TRIQK: variants seen among roughly 807,000 people sequenced by gnomAD.
TRIQK encodes triple QxxK/R motif containing.
A neutral mutation model predicts 10.8 loss-of-function variants in TRIQK; 10 were observed. That is an observed-to-expected ratio of 0.92 (90% CI 0.57 to 1.57). The LOEUF is 1.57. TRIQK is among the 40% of genes most tolerant of loss of function. TRIQK has a pLI of 0.00. For synonymous variants in TRIQK, 33 were observed against 33.7 expected, an observed-to-expected ratio of 0.98 and a Z score of 0.07; for missense variants, 107 against 97.7, an observed-to-expected ratio of 1.09 and a Z score of -0.40.
At chr8:92,940,344 A>T (rs1791442504) in intron 2 of TRIQK, among the ~76,000 whole-genome samples, 1 of 152,100 alleles carries the variant, frequency 6.6e-6, no homozygotes, top group Admixed American at 6.5e-5. Flanking sequence ...TAAAAAAAAA[A>T]AAAAAAAGAC....
At chr8:92,990,167 T>G (rs1813082417) in intron 1 of TRIQK, among the ~76,000 whole-genome samples, 1 of 152,236 alleles carries the variant, frequency 6.6e-6, no homozygotes, top group Non-Finnish European at 1.5e-5. Context: ...TATTATGCTC[T>G]TCACATTGGT....
intron 3 of TRIQK, among the ~76,000 whole-genome samples, chr8:92,898,833 G>GTGTGTATA (rs1256723943): frequency 2.7e-5 from 2 of 73,902 alleles, no homozygotes; most frequent in African/African-American, 5.7e-5. Flanking sequence ...GTGTGTGTGT[G>GTGTGTATA]TATATATATA....
chr8:93,016,778 C>T (rs926829557), intron 1 of TRIQK, among the ~76,000 whole-genome samples: 1 of 152,064 alleles, frequency 6.6e-6, no homozygotes, highest in African/African-American at 2.4e-5. Context: ...ACAGAGGCAG[C>T]AGCAGGTGCG....
intron 1 of TRIQK, among the ~76,000 whole-genome samples, chr8:92,982,268 A>C (rs80271889): frequency 6.6e-6 from 1 of 152,106 alleles, no homozygotes; most frequent in Non-Finnish European, 1.5e-5. Context: ...TGGAATATAT[A>C]GTTTGGAGAT....
chr8:92,905,574 G>A (rs1400964362), intron 3 of TRIQK, among the ~76,000 whole-genome samples: 6 of 152,100 alleles, frequency 3.9e-5, no homozygotes, highest in Non-Finnish European at 7.4e-5. Flanking sequence ...GGTTGTTCAT[G>A]TTCTTGTTTT....
At chr8:92,926,012 A>G (rs777023482) in intron 2 of TRIQK, among the ~76,000 whole-genome samples, 6 of 152,020 alleles carry the variant, frequency 3.9e-5, no homozygotes, top group Admixed American at 2.6e-4. Flanking sequence ...CCCGGGAGGC[A>G]GAGCTTGCAG....
At chr8:92,949,782 A>AAAAG (rs80051316) in intron 2 of TRIQK, among the ~76,000 whole-genome samples, 1,819 of 71,982 alleles carry the variant, frequency 0.025, 31 homozygotes, top group Admixed American at 0.032. Flanking sequence ...GAAAGAAAGA[A>AAAAG]AAAGAAAGAA....
At chr8:92,951,111 G>A (rs891089723) in intron 2 of TRIQK, among the ~76,000 whole-genome samples, 2 of 151,390 alleles carry the variant, frequency 1.3e-5, no homozygotes, top group Non-Finnish European at 2.9e-5. Flanking sequence ...TTTTTTTATT[G>A]TTGTATGGCT....
chr8:92,972,185 G>A (rs1052397906), intron 1 of TRIQK, among the ~76,000 whole-genome samples: 1 of 151,360 alleles, frequency 6.6e-6, no homozygotes, highest in East Asian at 1.9e-4. Flanking sequence ...ACAATATATT[G>A]TTGAATTTGC....
intron 1 of TRIQK, among the ~76,000 whole-genome samples, chr8:92,959,087 T>C (rs1457667204): frequency 1.3e-5 from 2 of 152,098 alleles, no homozygotes; most frequent in Non-Finnish European, 2.9e-5. Flanking sequence ...ACTTTATTTA[T>C]AAACAATTAA....
At chr8:92,938,172 A>G (rs2130591830) in intron 2 of TRIQK, among the ~76,000 whole-genome samples, 1 of 152,160 alleles carries the variant, frequency 6.6e-6, no homozygotes, top group East Asian at 1.9e-4. Context: ...AGTACTTGAA[A>G]GCTAACACTC....
At chr8:92,935,051 G>A (rs533858251) in intron 2 of TRIQK, among the ~76,000 whole-genome samples, 27 of 151,770 alleles carry the variant, frequency 1.8e-4, no homozygotes, top group African/African-American at 6.5e-4. Flanking sequence ...GTTCTACTTT[G>A]TGCCAGCTTT....
chr8:92,944,472 C>T (rs376018259), intron 2 of TRIQK, among the ~76,000 whole-genome samples: 11 of 151,902 alleles, frequency 7.2e-5, no homozygotes, highest in South Asian at 2.1e-4. Context: ...TCTGTATAAA[C>T]GAATAAGTGG....
At chr8:92,915,813 T>C (rs1467905239) in intron 3 of TRIQK, among the ~76,000 whole-genome samples, 1 of 152,136 alleles carries the variant, frequency 6.6e-6, no homozygotes, top group African/African-American at 2.4e-5. Flanking sequence ...ACTATACAAA[T>C]TCTTAATTGG....
At chr8:92,991,433 C>G (rs1326587249) in intron 1 of TRIQK, among the ~76,000 whole-genome samples, 1 of 152,182 alleles carries the variant, frequency 6.6e-6, no homozygotes, top group East Asian at 1.9e-4. Context: ...TCAAGTGGGT[C>G]CCTGACCCCC....
intron 2 of TRIQK, among the ~76,000 whole-genome samples, chr8:92,944,149 C>T (rs1811403127): frequency 6.6e-6 from 1 of 151,822 alleles, no homozygotes; most frequent in African/African-American, 2.4e-5. Flanking sequence ...ATCAAAACAA[C>T]AAGACAGCAC....
chr8:93,000,739 A>C (rs924847955), intron 1 of TRIQK, among the ~76,000 whole-genome samples: 1 of 152,210 alleles, frequency 6.6e-6, no homozygotes, highest in African/African-American at 2.4e-5. Context: ...AGTTGTTATC[A>C]GCTTAATATA....
chr8:92,919,724 T>C (rs143620194), intron 2 of TRIQK, among the ~76,000 whole-genome samples: 165 of 151,920 alleles, frequency 1.1e-3, no homozygotes, highest in Non-Finnish European at 2.1e-3. Flanking sequence ...GGATTAGTTC[T>C]TTAACTGTTT....
intron 2 of TRIQK, among the ~76,000 whole-genome samples, chr8:92,945,327 G>A (rs567147389): frequency 2.6e-5 from 4 of 152,234 alleles, no homozygotes; most frequent in Admixed American, 6.5e-5. Flanking sequence ...CCTGACACAT[G>A]GAAGCTCAGT....
Sources: gnomAD v4.1 joint callset for allele counts (sites outside exome capture counted in the v4.1 genomes callset) on GRCh38, gnomAD v4.1.1 for gene constraint, MANE v1.5 for transcripts, NCBI Gene and HGNC (gene_info 2026-07-23, HGNC 2026-07-21) for gene names.